The following DIP2C variants were observed in gnomAD, a reference collection of about 807,000 sequenced individuals.
The protein encoded by DIP2C is disco-interacting protein 2 homolog C.
DIP2C carries 33 observed loss-of-function variants against 192.4 expected under a neutral mutation model. That is an observed-to-expected ratio of 0.17 (90% CI 0.13 to 0.23). The LOEUF (loss-of-function observed/expected upper bound fraction) is 0.23, where lower values mean the gene tolerates loss of function less well. DIP2C is among the 10% of genes least tolerant of loss of function. The pLI is 1.00. For missense variants in DIP2C, 1,537 were observed against 2,110.1 expected (o/e 0.73, Z 5.32); for synonymous variants, 979 against 864.1 (o/e 1.13, Z -2.33).
Position 419,176 on chromosome 10 carries a change from C to G in DIP2C, c.628G>C (p.Val210Leu). 6.2e-7 allele frequency: 1 copy of G among 1,614,186 alleles called. No homozygotes were observed. Residue 210 changes from valine to leucine, a missense_variant, in exon 6 of 37, where the codon GTA (valine) becomes CTA (leucine). Coordinates refer to ENST00000280886, the MANE Select transcript of DIP2C (RefSeq NM_014974.3). ...GAGTGCTCTGAGGTGTACGTGGTTA[C>G]GTCAGGAGGTGCAGAATGATTTTCT... ...HIENHSAPPD[V>L]TTYTSEHSIQ...
chr10:339,215 G>C (rs1019311699), intron 29 of DIP2C, among the ~76,000 whole-genome samples: 1 of 152,178 alleles, frequency 6.6e-6, no homozygotes, highest in African/African-American at 2.4e-5. Context: ...AGTCATTGTG[G>C]ATCTAGGACC....
intron 3 of DIP2C, among the ~76,000 whole-genome samples, chr10:442,467 C>T (rs934652370): frequency 2.6e-5 from 4 of 152,144 alleles, no homozygotes; most frequent in African/African-American, 9.7e-5. Flanking sequence ...CTGAAGGGCT[C>T]ATCAGTGAGG....
At chr10:530,389 T>C (rs956382080) in intron 1 of DIP2C, among the ~76,000 whole-genome samples, 3 of 152,172 alleles carry the variant, frequency 2.0e-5, no homozygotes, top group African/African-American at 7.2e-5. Context: ...TAACTGCTGT[T>C]CTTATCAGAA....
intron 1 of DIP2C, among the ~76,000 whole-genome samples, chr10:635,767 G>T (rs924503989): frequency 6.6e-5 from 10 of 152,232 alleles, no homozygotes; most frequent in African/African-American, 2.4e-4. Flanking sequence ...AGGCCCTGCA[G>T]TCAGGGAGGC....
intron 6 of DIP2C, among the ~76,000 whole-genome samples, chr10:418,290 A>G (rs540566079): frequency 3.0e-5 from 4 of 135,160 alleles, no homozygotes; most frequent in African/African-American, 1.1e-4. Flanking sequence ...ATCCCCGTCC[A>G]CCTGTCGGAG....
chr10:302,203 T>C (rs1261189993), intron 32 of DIP2C, among the ~76,000 whole-genome samples: 1 of 152,184 alleles, frequency 6.6e-6, no homozygotes, highest in Non-Finnish European at 1.5e-5. Context: ...GACTTACAGC[T>C]GGCCAGCATT....
At chr10:441,982 C>T (rs1273508275) in intron 3 of DIP2C, among the ~76,000 whole-genome samples, 1 of 148,798 alleles carries the variant, frequency 6.7e-6, no homozygotes, top group African/African-American at 2.4e-5. Context: ...GACGCTGTGG[C>T]AACTCCAAAC....
chr10:319,296 G>A (rs1015952168), intron 31 of DIP2C, among the ~76,000 whole-genome samples: 27 of 152,136 alleles, frequency 1.8e-4, no homozygotes, highest in African/African-American at 6.5e-4. Context: ...AGATTTAAGG[G>A]TCACTGCAAT....
intron 1 of DIP2C, among the ~76,000 whole-genome samples, chr10:613,624 C>CA (rs1853243135): frequency 6.6e-6 from 1 of 152,202 alleles, no homozygotes; most frequent in African/African-American, 2.4e-5. Flanking sequence ...GGGGACTTAA[C>CA]AGCAGGTAAT....
intron 1 of DIP2C, among the ~76,000 whole-genome samples, chr10:509,395 G>A (rs977967943): frequency 1.3e-5 from 2 of 152,184 alleles, no homozygotes; most frequent in Non-Finnish European, 2.9e-5. Context: ...ATTCAACCAG[G>A]TCCTTCCCTG....
At chr10:378,748 T>C (rs1356135638) in intron 17 of DIP2C, among the ~76,000 whole-genome samples, 2 of 151,212 alleles carry the variant, frequency 1.3e-5, no homozygotes, top group African/African-American at 4.9e-5. Flanking sequence ...AAGACACATG[T>C]GAACACATGC....
intron 1 of DIP2C, chr10:668,304 AAC>A (rs1857237245): frequency 6.6e-6 from 1 of 152,252 alleles, no homozygotes; most frequent in Admixed American, 6.5e-5. Flanking sequence ...TACAACATAC[AAC>A]ACATGCAACT....
intron 1 of DIP2C, among the ~76,000 whole-genome samples, chr10:662,448 A>G (rs1287650381): frequency 6.6e-6 from 1 of 152,248 alleles, no homozygotes; most frequent in Non-Finnish European, 1.5e-5. Context: ...ATTGGCGCAC[A>G]GGCAGGCACA....
chr10:493,720 A>G (rs190178039), intron 1 of DIP2C, among the ~76,000 whole-genome samples: 2 of 152,330 alleles, frequency 1.3e-5, no homozygotes, highest in African/African-American at 4.8e-5. Context: ...TGGACAGGAG[A>G]AAGGATGGAG....
chr10:310,006 G>GA (rs748877695), intron 32 of DIP2C, 25 bp downstream of exon 32: 5 of 1,609,608 alleles, frequency 3.1e-6, no homozygotes, highest in African/African-American at 2.7e-5. Flanking sequence ...AGGAAAAAAA[G>GA]AAAAAACCCA....
chr10:548,464 G>A (rs541379939), intron 1 of DIP2C, among the ~76,000 whole-genome samples: 1 of 144,576 alleles, frequency 6.9e-6, no homozygotes. Context: ...GGGAGGGAGG[G>A]AGGCAGGCAG....
At chr10:663,105 C>T in intron 1 of DIP2C, 1 of 549,444 alleles carries the variant, frequency 1.8e-6, no homozygotes, top group Non-Finnish European at 3.3e-6. Context: ...GCCTGGTCTG[C>T]AGAGGGGGAG....
At chr10:439,326 A>G (rs542848437) in intron 4 of DIP2C, among the ~76,000 whole-genome samples, 1 of 151,278 alleles carries the variant, frequency 6.6e-6, no homozygotes, top group East Asian at 1.9e-4. Context: ...CACGGCGTTC[A>G]CTCCCTTGCC....
chr10:563,900 G>T (rs561603085), intron 1 of DIP2C, among the ~76,000 whole-genome samples: 17 of 151,854 alleles, frequency 1.1e-4, no homozygotes, highest in African/African-American at 4.1e-4. Context: ...TTCTTAATGT[G>T]TCAAAAATCC....
Sources: gnomAD v4.1 joint callset for allele counts (sites outside exome capture counted in the v4.1 genomes callset) on GRCh38, gnomAD v4.1.1 for gene constraint, MANE v1.5 for transcripts, NCBI Gene and HGNC (gene_info 2026-07-23, HGNC 2026-07-21) for gene names.